Variants in MMD2 observed in about 807,000 individuals in gnomAD.
The protein encoded by MMD2 is monocyte to macrophage differentiation factor 2.
Under a neutral mutation model 33.5 loss-of-function variants are expected in MMD2, and 30 were observed. That is an observed-to-expected ratio of 0.90 (90% confidence interval 0.67 to 1.22). The LOEUF is 1.22. Among genes scored for constraint, MMD2 ranks in the 50% most tolerant of loss-of-function variants. The pLI is 0.00. For synonymous variants in MMD2, 129 were observed against 123.0 expected (o/e 1.05, Z -0.32); for missense variants, 364 against 325.4 (o/e 1.12, Z -0.91).
At chr7:4,901,210 G>A (rs575411178), downstream of MMD2, among the ~76,000 whole-genome samples, 32 of 151,942 alleles carry the variant, frequency 2.1e-4, no homozygotes, top group Non-Finnish European at 4.0e-4. Context: ...GGAGGCCAAG[G>A]TGGGCGGATC....
chr7:4,923,777 A>G (rs1211500113), intron 2 of MMD2, among the ~76,000 whole-genome samples: 1 of 152,158 alleles, frequency 6.6e-6, no homozygotes, highest in Non-Finnish European at 1.5e-5. Flanking sequence ...ATGGGACTTC[A>G]GAGATGAGCC....
intron 1 of MMD2, among the ~76,000 whole-genome samples, chr7:4,939,742 CT>C (rs71032999): frequency 0.32 from 45,778 of 141,304 alleles, 7,931 homozygotes; most frequent in East Asian, 0.62. Context: ...TTCTTTCTTT[CT>C]TTTTTTTTTT....
chr7:4,951,897 G>A (rs1393451879), intron 1 of MMD2, among the ~76,000 whole-genome samples: 4 of 152,106 alleles, frequency 2.6e-5, no homozygotes, highest in Non-Finnish European at 5.9e-5. Flanking sequence ...ACCATGCCCA[G>A]CTAATTTTTT....
In MMD2 at chr7:4,906,790, G is replaced by A. The variant is rs1358375343; in HGVS notation, c.*606C>T. ...TTTCAGAGCACACCAGACAGGAAGG[G>A]CAAAGAGGTCCCATCATGAGTGCCA... On this transcript the variant is annotated 3_prime_UTR_variant, in exon 7 of 7. Coordinates refer to ENST00000401401, the MANE Select transcript of MMD2 (RefSeq NM_198403.4). The A allele has an allele frequency of 8.2e-6, 3 of 367,856 alleles. No individual in the cohort carries two copies. Among genetic ancestry groups the A allele is most frequent in the Non-Finnish European group, 1.5e-5 (3 of 206,366 alleles). The allele number at this position is 367,856 out of a possible 1,614,324, so 22.8% of individuals were successfully genotyped here. A position where few individuals can be genotyped will look rare whatever the true frequency, so the allele number is the denominator to read the frequency against.
intron 3 of MMD2, among the ~76,000 whole-genome samples, chr7:4,916,942 TG>T (rs1785157811): frequency 1.3e-5 from 2 of 152,152 alleles, no homozygotes; most frequent in South Asian, 4.1e-4. Context: ...CATAATTGTG[TG>T]TGCCTGTAGG....
chr7:4,952,689 ATTTTT>A (rs36030563), intron 1 of MMD2, among the ~76,000 whole-genome samples: 1 of 110,588 alleles, frequency 9.0e-6, no homozygotes, highest in Non-Finnish European at 1.9e-5. Context: ...TCCGTATGAG[ATTTTT>A]TTTTTTTTTT....
chr7:4,951,882 G>A (rs1786253510), intron 1 of MMD2, among the ~76,000 whole-genome samples: 2 of 152,096 alleles, frequency 1.3e-5, no homozygotes, highest in South Asian at 2.1e-4. Flanking sequence ...CTACAGGTAC[G>A]TGCTACCATG....
At chr7:4,916,182 G>T in intron 3 of MMD2, 103 bp from the exon 4 acceptor site, 1 of 1,021,756 alleles carries the variant, frequency 9.8e-7, no homozygotes, top group Non-Finnish European at 1.5e-6. Context: ...CTACAGGTTA[G>T]CAGGGCTGGG....
chr7:4,944,307 C>T (rs890453922), intron 1 of MMD2, among the ~76,000 whole-genome samples: 8 of 151,968 alleles, frequency 5.3e-5, no homozygotes, highest in African/African-American at 1.9e-4. Context: ...TTAGCAAATC[C>T]TTCCCATCCC....
chr7:4,920,375 G>A, intron 2 of MMD2, 44 bp from the exon 3 acceptor site: 5 of 1,578,110 alleles, frequency 3.2e-6, no homozygotes, highest in Non-Finnish European at 1.7e-6. Context: ...CAGCTGGGTG[G>A]CTCAGAGCAC....
At position 4,944,125 on chromosome 7, in the gene MMD2, A is replaced by G. The variant is rs964529969; in HGVS notation, c.47+14846T>C. ...CTCCCTCTCTACAAAAAATGTAAAA[A>G]TTAGCTGGGTATGGTGGCACACACC... On this transcript the variant is annotated intron_variant, in intron 1 of 6. Transcript: ENST00000401401. Among the ~76,000 whole-genome samples, 5 of 151,068 alleles carry G rather than the reference A, an allele frequency of 3.3e-5. 1 individual carries two copies. The highest frequency in any genetic ancestry group is 7.4e-5 in the Non-Finnish European group (5 of 67,862).
chr7:4,894,097 T>C, the MMD2 span, among the ~76,000 whole-genome samples: 174 of 152,238 alleles, frequency 1.1e-3, 1 homozygote, highest in African/African-American at 4.1e-3. This position sits in a 1 kb window ranked among gnomAD's most constrained non-coding sequence, Gnocchi z 4.3. Context: ...ACTCAGCCCC[T>C]ATTCAAGATG....
chr7:4,958,332 A>G (rs994057859), intron 1 of MMD2, among the ~76,000 whole-genome samples: 1 of 152,158 alleles, frequency 6.6e-6, no homozygotes, highest in African/African-American at 2.4e-5. Context: ...ATTCCAAGCA[A>G]CAGGAGCCTA....
At chr7:4,938,975 G>A (rs10281193) in intron 1 of MMD2, among the ~76,000 whole-genome samples, 39 of 151,798 alleles carry the variant, frequency 2.6e-4, no homozygotes, top group African/African-American at 4.3e-4. Flanking sequence ...TGGGAGGTTG[G>A]GGCGGGTGGA....
downstream of MMD2, among the ~76,000 whole-genome samples, chr7:4,904,372 G>A (rs1784833320): frequency 6.6e-6 from 1 of 152,166 alleles, no homozygotes; most frequent in Admixed American, 6.5e-5. Context: ...TCCAGGGTCT[G>A]GGCTTGGGTG....
downstream of MMD2, among the ~76,000 whole-genome samples, chr7:4,901,387 G>A (rs979959496): frequency 1.3e-5 from 2 of 152,148 alleles, no homozygotes; most frequent in African/African-American, 4.8e-5. Flanking sequence ...TTTCCAGTGA[G>A]CCAAGATCAC....
chr7:4,895,866 T>C, the MMD2 span, among the ~76,000 whole-genome samples: 47 of 152,264 alleles, frequency 3.1e-4, no homozygotes, highest in Middle Eastern at 3.4e-3. Context: ...CAGGACAACC[T>C]GTACACCCCA....
At chr7:4,957,174 ATAT>A (rs1268578279) in intron 1 of MMD2, among the ~76,000 whole-genome samples, 10 of 116,094 alleles carry the variant, frequency 8.6e-5, no homozygotes, top group African/African-American at 1.8e-4. Flanking sequence ...AAAAAAAAAA[ATAT>A]ATATATATAT....
Position 4,920,688 on chromosome 7 carries a change from TCC to T in MMD2, c.130-359_130-358del, listed in dbSNP as rs1562481114. Reference sequence around the variant, plus strand: ...TTCTTCCCCTTCCCTCCTCCCTCTCTCCTCCCTCCCTCCCTCCCTCCCTCCCT... The same window carrying T: ...TTCTTCCCCTTCCCTCCTCCCTCTCTTCCCTCCCTCCCTCCCTCCCTCCCT... On this transcript the variant is annotated intron_variant, in intron 2 of 6. Transcript: ENST00000401401. Among the ~76,000 whole-genome samples, 113 of 87,898 alleles carry T rather than the reference TCC, an allele frequency of 1.3e-3. 1 individual carries two copies. The highest frequency in any genetic ancestry group is 5.6e-3 in the African/African-American group (113 of 20,090). The allele number at this position is 87,898 out of a possible 152,430, so 57.7% of individuals were successfully genotyped here. A position where few individuals can be genotyped will look rare whatever the true frequency, so the allele number is the denominator to read the frequency against.
Sources: gnomAD v4.1 joint callset for allele counts (sites outside exome capture counted in the v4.1 genomes callset) on GRCh38, gnomAD v4.1.1 for gene constraint, Gnocchi (gnomAD v3.1) non-coding constraint, MANE v1.5 for transcripts, NCBI Gene and HGNC (gene_info 2026-07-23, HGNC 2026-07-21) for gene names.